Variants in PSMA1 observed in about 807,000 individuals in gnomAD.
The protein encoded by PSMA1 is proteasome 20S subunit alpha 1.
A neutral mutation model predicts 38.4 loss-of-function variants in PSMA1; 3 were observed. The observed-to-expected ratio is 0.08, with a 90% CI of 0.04 to 0.20. The LOEUF (loss-of-function observed/expected upper bound fraction) is 0.20. Among genes scored for constraint, PSMA1 ranks in the 10% least tolerant of loss-of-function variants. The probability of loss-of-function intolerance (pLI) is 1.00; values close to 1 mark genes in which losing one functional copy is unlikely to be tolerated. For synonymous variants in PSMA1, 101 were observed against 107.1 expected (o/e 0.94, Z 0.35); for missense variants, 227 against 325.3 (o/e 0.70, Z 2.32).
In PSMA1 at chr11:14,513,717, T is replaced by A; in HGVS notation, c.415-18A>T. The A allele has an allele frequency of 6.4e-7, 1 of 1,563,276 alleles. No homozygotes were observed. Among genetic ancestry groups the A allele is most frequent in the South Asian group, 1.2e-5 (1 of 81,790 alleles). ...CCCATATCCTACAAATAGAAATAAA[T>A]ACACCACATAATTATTTACTTTGGT... On this transcript the variant is annotated intron_variant, in intron 6 of 9. Transcript: ENST00000396394.
At position 14,573,246 on chromosome 11, in the gene PSMA1, C is replaced by T. The variant is rs185055386; in HGVS notation, c.21+37720G>A. Among the ~76,000 whole-genome samples the T allele has an allele frequency of 6.1e-3, 935 of 152,244 alleles. 8 individuals carry two copies. The highest frequency in any genetic ancestry group is 0.022 in the African/African-American group (897 of 41,526). On this transcript the variant is annotated intron_variant, in intron 2 of 10. Coordinates refer to the PSMA1 transcript ENST00000418988. ...TTAGATCAATATCCCTGATGGACAT[C>T]GATGCAAATATCCTCAATAAAATAC... is the stretch of plus-strand genomic sequence containing the variant.
chr11:14,623,916 G>A (rs1852881325), intron 1 of PSMA1, among the ~76,000 whole-genome samples: 1 of 152,194 alleles, frequency 6.6e-6, no homozygotes, highest in African/African-American at 2.4e-5. Flanking sequence ...ACAAGGGCTA[G>A]AGGGTTGTTT....
At chr11:14,584,511 T>G (rs915440145) in intron 2 of PSMA1, among the ~76,000 whole-genome samples, 33 of 144,764 alleles carry the variant, frequency 2.3e-4, no homozygotes, top group East Asian at 5.9e-4. Flanking sequence ...TTTTTTGTTT[T>G]TTTTTTTTTT....
chr11:14,567,328 A>G (rs1852083701), intron 2 of PSMA1, among the ~76,000 whole-genome samples: 2 of 152,230 alleles, frequency 1.3e-5, no homozygotes, highest in Non-Finnish European at 2.9e-5. Context: ...CCCAGGATAA[A>G]GATGAGACAT....
At chr11:14,613,283 G>A (rs1852730607) in intron 1 of PSMA1, among the ~76,000 whole-genome samples, 2 of 135,632 alleles carry the variant, frequency 1.5e-5, no homozygotes, top group Admixed American at 1.4e-4. Flanking sequence ...GCAGTGAGCC[G>A]AGATGGTGCC....
intron 1 of PSMA1, among the ~76,000 whole-genome samples, chr11:14,633,862 C>T (rs938797558): frequency 1.3e-5 from 2 of 152,260 alleles, no homozygotes. Context: ...TTAAGTCCGT[C>T]GGAAAAGCGC....
chr11:14,611,112 G>A (rs1852703413), exon 2 of PSMA1: 1 of 874,996 alleles, frequency 1.1e-6, no homozygotes, highest in Admixed American at 2.1e-5. Context: ...GCCTTGCTGA[G>A]AGCTGACCAT....
chr11:14,583,383 G>T (rs545362443), intron 2 of PSMA1, among the ~76,000 whole-genome samples: 26 of 152,160 alleles, frequency 1.7e-4, no homozygotes, highest in Non-Finnish European at 3.4e-4. Context: ...TCTCTAAGCC[G>T]TGTACACTGG....
intron 1 of PSMA1, among the ~76,000 whole-genome samples, chr11:14,628,780 C>T (rs1852956875): frequency 3.7e-5 from 5 of 134,192 alleles, no homozygotes; most frequent in African/African-American, 1.4e-4. Flanking sequence ...TACAGTCCCA[C>T]CAACAGTGTA....
At chr11:14,629,652 C>T (rs1852972203) in intron 1 of PSMA1, among the ~76,000 whole-genome samples, 1 of 152,158 alleles carries the variant, frequency 6.6e-6, no homozygotes, top group Non-Finnish European at 1.5e-5. Flanking sequence ...GTGATGCGGG[C>T]TCTTTTTTGG....
Position 14,600,857 on chromosome 11 carries a change from C to T in PSMA1, c.21+10109G>A, listed in dbSNP as rs138120855. 1.2e-3 allele frequency among the ~76,000 whole-genome samples: 185 copies of T among 152,300 alleles called. 1 individual carries two copies. Among genetic ancestry groups the T allele is most frequent in the African/African-American group, 4.2e-3 (176 of 41,554 alleles). On this transcript the variant is annotated intron_variant, in intron 2 of 10. Coordinates refer to the PSMA1 transcript ENST00000418988. ...CTGGGAGCTGCAGACAGGAGCTGTT[C>T]CTATTTGGCCATCTTGGAATGCTCC...
chr11:14,605,978 C>G (rs1403866961), intron 2 of PSMA1, among the ~76,000 whole-genome samples: 1 of 152,110 alleles, frequency 6.6e-6, no homozygotes, highest in Non-Finnish European at 1.5e-5. Context: ...ATGGCATTTC[C>G]TTGATTTTCT....
intron 2 of PSMA1, among the ~76,000 whole-genome samples, chr11:14,530,730 T>C (rs1272938082): frequency 6.6e-6 from 1 of 151,976 alleles, no homozygotes; most frequent in Admixed American, 6.6e-5. Context: ...GGTGAAACCC[T>C]GTCGCTACTA....
At chr11:14,510,012 C>T (rs765984094) in intron 8 of PSMA1, among the ~76,000 whole-genome samples, 2 of 152,136 alleles carry the variant, frequency 1.3e-5, no homozygotes, top group African/African-American at 4.8e-5. Flanking sequence ...CGTGAGCCAC[C>T]GCGCCCAGCC....
intron 7 of PSMA1, among the ~76,000 whole-genome samples, chr11:14,511,668 G>A (rs1217238492): frequency 6.6e-6 from 1 of 152,144 alleles, no homozygotes; most frequent in East Asian, 1.9e-4. Flanking sequence ...GTCTGATAGA[G>A]GGCATCTACA....
At position 14,626,258 on chromosome 11, in the gene PSMA1, A is replaced by AAAGT. The variant is rs375229709; in HGVS notation, c.-165-15108_-165-15107insACTT. Among the ~76,000 whole-genome samples, 883 of 152,272 alleles carry AAAGT rather than the reference A, an allele frequency of 5.8e-3. 11 individuals carry two copies. The highest frequency in any genetic ancestry group is 0.02 in the African/African-American group (818 of 41,506). ...CAAAACACTACTAGAAAATCACTCAAGTGTGCCCTGAAGGAGCAAAAGCAT... is the reference window on the plus strand; with the variant it reads ...CAAAACACTACTAGAAAATCACTCAAAAGTGTGTGCCCTGAAGGAGCAAAAGCAT... On this transcript the variant is annotated intron_variant, in intron 1 of 10. Transcript: ENST00000418988.
rs539915594 is a variant in PSMA1 at position 14,580,243 on chromosome 11, C to T, written c.21+30723G>A. ...TACCTACTATTTTAGAATCATCTCT[C>T]ACCACTCTCCCTCAAAGACTGTCTG... On this transcript the variant is annotated intron_variant, in intron 2 of 10. Coordinates refer to the PSMA1 transcript ENST00000418988. 2.6e-5 allele frequency among the ~76,000 whole-genome samples: 4 copies of T among 152,336 alleles called. No homozygotes were observed. The South Asian group carries it at 8.3e-4, about 32-fold the overall frequency.
intron 2 of PSMA1, among the ~76,000 whole-genome samples, chr11:14,579,891 A>C (rs1157905559): frequency 2.6e-5 from 4 of 152,182 alleles, no homozygotes; most frequent in African/African-American, 9.7e-5. Flanking sequence ...TGCTTCTCTG[A>C]GGAAATGCCA....
In PSMA1 at chr11:14,628,993, C is replaced by T. The variant is rs1405535359; in HGVS notation, c.-166+14462G>A. On this transcript the variant is annotated intron_variant, in intron 1 of 10. Transcript: ENST00000418988. ...TTGAGAAGTGTCTGTTCATGTCCTTCGCCCACTTGTTGATGGGGTTGTTTG... is the reference window on the plus strand; with the variant it reads ...TTGAGAAGTGTCTGTTCATGTCCTTTGCCCACTTGTTGATGGGGTTGTTTG... Among the ~76,000 whole-genome samples the T allele has an allele frequency of 1.9e-4, 29 of 151,132 alleles. No homozygotes were observed. In the Middle Eastern group the frequency reaches 0.014, roughly 72 times the overall value.
Sources: gnomAD v4.1 joint callset for allele counts (sites outside exome capture counted in the v4.1 genomes callset) on GRCh38, gnomAD v4.1.1 for gene constraint, MANE v1.5 for transcripts, NCBI Gene and HGNC (gene_info 2026-07-23, HGNC 2026-07-21) for gene names.